The following ADGB variants were observed in gnomAD, a reference collection of about 807,000 sequenced individuals.
The protein encoded by ADGB is androglobin.
A neutral mutation model predicts 210.5 loss-of-function variants in ADGB; 172 were observed. That is an observed-to-expected ratio of 0.82 (90% CI 0.72 to 0.93). The LOEUF (loss-of-function observed/expected upper bound fraction) is 0.93, where lower values mean the gene tolerates loss of function less well. Among genes scored for constraint, ADGB ranks in the 40% least tolerant of loss-of-function variants. The probability of loss-of-function intolerance (pLI) is 0.00; values close to 1 mark genes in which losing one functional copy is unlikely to be tolerated. For missense variants in ADGB, 2,025 were observed against 1,964.8 expected (o/e 1.03, Z -0.58); for synonymous variants, 658 against 662.7 (o/e 0.99, Z 0.11).
At chr6:146,756,447 T>C (rs1777407413) in intron 27 of ADGB, among the ~76,000 whole-genome samples, 1 of 151,694 alleles carries the variant, frequency 6.6e-6, no homozygotes, top group African/African-American at 2.4e-5. Context: ...AATCAAGATT[T>C]TAACACTGCT....
intron 2 of ADGB, among the ~76,000 whole-genome samples, chr6:146,643,482 TG>T (rs1419575360): frequency 2.0e-5 from 3 of 151,912 alleles, no homozygotes; most frequent in Non-Finnish European, 1.5e-5. Flanking sequence ...TATTATTTTT[TG>T]TAAGGACCTT....
chr6:146,799,496 T>C (rs1180568197), intron 33 of ADGB, among the ~76,000 whole-genome samples: 1 of 135,994 alleles, frequency 7.4e-6, no homozygotes, highest in African/African-American at 2.8e-5. Context: ...ATCGCGCCAC[T>C]GCACTCCAGT....
intron 18 of ADGB, chr6:146,724,655 T>C (rs1776868433): frequency 6.4e-6 from 1 of 157,448 alleles, no homozygotes; most frequent in Admixed American, 6.5e-5. Flanking sequence ...TATAATACTT[T>C]AGTATGAATT....
At chr6:146,629,818 T>C (rs1283728803) in intron 1 of ADGB, among the ~76,000 whole-genome samples, 1 of 152,216 alleles carries the variant, frequency 6.6e-6, no homozygotes, top group East Asian at 1.9e-4. Context: ...TACTCCTTTA[T>C]AATACATTCT....
chr6:146,635,114 C>T (rs758240462), intron 1 of ADGB, among the ~76,000 whole-genome samples: 8 of 151,766 alleles, frequency 5.3e-5, no homozygotes, highest in African/African-American at 9.7e-5. Context: ...TTTGATAATA[C>T]GGTATATCTT....
intron 29 of ADGB, among the ~76,000 whole-genome samples, chr6:146,771,818 G>C (rs1395443298): frequency 6.6e-6 from 1 of 152,180 alleles, no homozygotes; most frequent in East Asian, 1.9e-4. Context: ...GTTCACCAAA[G>C]CTATTCTCAT....
chr6:146,740,359 G>A, intron 23 of ADGB, 100 bp from the exon 24 acceptor site: 2 of 1,064,226 alleles, frequency 1.9e-6, no homozygotes, highest in Non-Finnish European at 2.6e-6. Context: ...ACAATGACTT[G>A]CAATATCTTA....
chr6:146,643,345 G>A (rs1428932188), intron 2 of ADGB, among the ~76,000 whole-genome samples: 1 of 151,850 alleles, frequency 6.6e-6, no homozygotes, highest in East Asian at 1.9e-4. Context: ...CGTGATTACT[G>A]TGAAAATCAC....
intron 28 of ADGB, among the ~76,000 whole-genome samples, chr6:146,766,631 C>T (rs1050039481): frequency 1.3e-5 from 2 of 151,934 alleles, no homozygotes; most frequent in African/African-American, 2.4e-5. Flanking sequence ...TAAGTCTTCC[C>T]TTTCCAAAAA....
chr6:146,697,799 A>C (rs1776427842), intron 12 of ADGB, among the ~76,000 whole-genome samples: 1 of 152,214 alleles, frequency 6.6e-6, no homozygotes, highest in South Asian at 2.1e-4. Context: ...AGGAAGTCCT[A>C]AAAAGACTAA....
At chr6:146,728,398 G>T (rs546110713) in intron 19 of ADGB, among the ~76,000 whole-genome samples, 176 bp from the exon 20 acceptor site, 66 of 152,242 alleles carry the variant, frequency 4.3e-4, no homozygotes, top group African/African-American at 1.3e-3. Context: ...TAAGAATTGC[G>T]TTCCTTGTTT....
intron 3 of ADGB, among the ~76,000 whole-genome samples, chr6:146,649,318 TA>T (rs1024472782): frequency 1.3e-5 from 2 of 151,642 alleles, no homozygotes; most frequent in East Asian, 1.9e-4. Context: ...TTATTTGTTT[TA>T]AAAAAAAGTC....
Position 146,599,093 on chromosome 6 carries a change from A to G in ADGB, c.53A>G (p.His18Arg). 1 of 1,551,738 alleles carries G rather than the reference A, an allele frequency of 6.4e-7. No individual in the cohort carries two copies. Among genetic ancestry groups the G allele is most frequent in the Non-Finnish European group, 8.7e-7 (1 of 1,146,996 alleles). Residue 18 changes from histidine to arginine, a missense_variant, in exon 1 of 36, where the codon CAC (histidine) becomes CGC (arginine). Physicochemically the swap from His to Arg is conservative, Grantham distance 29. Transcript: ENST00000397944. Reference sequence around the variant, plus strand: ...GAGGTGCATCGTATCAACTCGGCGCACGGATCGGATAAATCGAAAGAGTAA... The same window carrying G: ...GAGGTGCATCGTATCAACTCGGCGCGCGGATCGGATAAATCGAAAGAGTAA... Reference protein sequence around the residue: ...KKEVHRINSAHGSDKSKDFYP... With the variant: ...KKEVHRINSARGSDKSKDFYP...
Position 146,809,880 on chromosome 6 carries a change from C to A in ADGB, c.4819-5152C>A, listed in dbSNP as rs537930319. On this transcript the variant is annotated intron_variant, in intron 35 of 35. Coordinates refer to ENST00000397944, the MANE Select transcript of ADGB (RefSeq NM_024694.4). ...TTAGAAGATTGCATACAGAAAAAAT[C>A]TCCTTGACATTGGTCTTGGCAATTT... is the stretch of plus-strand genomic sequence containing the variant. 7.9e-5 allele frequency among the ~76,000 whole-genome samples: 12 copies of A among 152,232 alleles called. No individual in the cohort carries two copies. In the South Asian group the frequency reaches 2.5e-3, roughly 32 times the overall value.
chr6:146,603,540 C>A (rs1780590297), intron 1 of ADGB, among the ~76,000 whole-genome samples: 1 of 151,926 alleles, frequency 6.6e-6, no homozygotes, highest in Admixed American at 6.6e-5. Flanking sequence ...ACATTCAAAC[C>A]AAGATTGAAA....
intron 27 of ADGB, among the ~76,000 whole-genome samples, chr6:146,762,098 C>A (rs142653204): frequency 1.2e-4 from 18 of 152,148 alleles, no homozygotes. Flanking sequence ...ATTAGAACTG[C>A]AAACACCCTT....
intron 22 of ADGB, among the ~76,000 whole-genome samples, chr6:146,735,210 A>G (rs1178425409): frequency 6.6e-6 from 1 of 152,184 alleles, no homozygotes; most frequent in Non-Finnish European, 1.5e-5. Context: ...GTCAAACTCA[A>G]TATAGGATGT....
At chr6:146,777,607 C>G (rs1777738909) in intron 29 of ADGB, among the ~76,000 whole-genome samples, 1 of 152,118 alleles carries the variant, frequency 6.6e-6, no homozygotes, top group African/African-American at 2.4e-5. Flanking sequence ...GGGTTGGTGC[C>G]CAGAAATCTG....
At chr6:146,677,170 T>C (rs1258229970) in intron 9 of ADGB, among the ~76,000 whole-genome samples, 1 of 152,148 alleles carries the variant, frequency 6.6e-6, no homozygotes, top group African/African-American at 2.4e-5. Flanking sequence ...AAGTAGCCTT[T>C]AAACAAATTG....
Sources: gnomAD v4.1 joint callset for allele counts (sites outside exome capture counted in the v4.1 genomes callset) on GRCh38, gnomAD v4.1.1 for gene constraint, MANE v1.5 for transcripts, NCBI Gene and HGNC (gene_info 2026-07-23, HGNC 2026-07-21) for gene names.